RBMS3: variants seen among roughly 807,000 people sequenced by gnomAD.
RBMS3 encodes RNA-binding motif, single-stranded-interacting protein 3.
A neutral mutation model predicts 66.8 loss-of-function variants in RBMS3; 27 were observed. The observed-to-expected ratio is 0.40, with a 90% confidence interval of 0.30 to 0.56. The LOEUF (loss-of-function observed/expected upper bound fraction) is 0.56. RBMS3 is among the 20% of genes least tolerant of loss of function. RBMS3 has a pLI of 0.40. For missense variants in RBMS3, 513 were observed against 549.5 expected (o/e 0.93, Z 0.66); for synonymous variants, 188 against 183.0 (o/e 1.03, Z -0.22).
At chr3:29,882,622 G>T (rs571073917) in intron 7 of RBMS3, among the ~76,000 whole-genome samples, 1 of 150,706 alleles carries the variant, frequency 6.6e-6, no homozygotes, top group East Asian at 2.0e-4. Context: ...TTAAAATTTA[G>T]TATTTATGGA....
At chr3:29,725,869 A>G (rs1453576676) in intron 4 of RBMS3, among the ~76,000 whole-genome samples, 1 of 152,220 alleles carries the variant, frequency 6.6e-6, no homozygotes, top group East Asian at 1.9e-4. Context: ...TGAGGCCAGC[A>G]TCATCCTGAT....
intron 4 of RBMS3, among the ~76,000 whole-genome samples, chr3:29,693,886 T>G (rs186319932): frequency 2.0e-4 from 30 of 152,366 alleles, no homozygotes; most frequent in Middle Eastern, 3.4e-3. Flanking sequence ...TGTTTTGTTC[T>G]TTAAAGGCAA....
chr3:29,519,351 G>A (rs763615604), intron 3 of RBMS3, among the ~76,000 whole-genome samples: 13 of 152,190 alleles, frequency 8.5e-5, no homozygotes, highest in East Asian at 1.9e-4. Flanking sequence ...CATTGACTCC[G>A]TTGGGTGATG....
At chr3:29,990,098 C>T (rs1227472391) in intron 13 of RBMS3, among the ~76,000 whole-genome samples, 1 of 152,046 alleles carries the variant, frequency 6.6e-6, no homozygotes, top group East Asian at 1.9e-4. Context: ...AGCATTAATT[C>T]ATTCTCTATG....
At chr3:29,388,786 A>G (rs557917395) in intron 1 of RBMS3, among the ~76,000 whole-genome samples, 12 of 152,062 alleles carry the variant, frequency 7.9e-5, no homozygotes, top group South Asian at 2.1e-4. Context: ...GGATGGTCTC[A>G]ATCTCCTGAC....
chr3:29,413,887 C>A (rs2040374938), intron 1 of RBMS3, among the ~76,000 whole-genome samples: 1 of 151,990 alleles, frequency 6.6e-6, no homozygotes, highest in Admixed American at 6.6e-5. Context: ...GGGACATGGT[C>A]CTTATTCTCT....
intron 6 of RBMS3, among the ~76,000 whole-genome samples, chr3:29,803,083 C>T (rs1032356616): frequency 6.6e-6 from 1 of 152,066 alleles, no homozygotes; most frequent in Admixed American, 6.6e-5. Flanking sequence ...CCCGTTAAGG[C>T]AAAAGAGTAA....
At position 29,703,241 on chromosome 3, in the gene RBMS3, C is replaced by T. The variant is rs140812844; in HGVS notation, c.400-36479C>T. On this transcript the variant is annotated intron_variant, in intron 4 of 14. Coordinates refer to ENST00000383767, the MANE Select transcript of RBMS3 (RefSeq NM_001003793.3). ...TTTCGAGGGTCCACTCACTTCACTA[C>T]GGAGCTGTACTGTCTTCTCCATGGA... 6.1e-3 allele frequency among the ~76,000 whole-genome samples: 935 copies of T among 152,260 alleles called. 13 individuals are homozygous for T. The highest frequency in any genetic ancestry group is 0.038 in the South Asian group (185 of 4,822).
At chr3:29,669,339 A>G (rs2050897036) in intron 4 of RBMS3, among the ~76,000 whole-genome samples, 1 of 152,170 alleles carries the variant, frequency 6.6e-6, no homozygotes, top group Non-Finnish European at 1.5e-5. Flanking sequence ...CTAAGATGGT[A>G]TCCATACTGT....
chr3:29,707,141 CT>C (rs1204964071), intron 4 of RBMS3, among the ~76,000 whole-genome samples: 2 of 152,168 alleles, frequency 1.3e-5, no homozygotes, highest in Non-Finnish European at 2.9e-5. Flanking sequence ...TAAAAGATGA[CT>C]TTTTCACATC....
chr3:29,671,631 C>A (rs371798127), intron 4 of RBMS3, among the ~76,000 whole-genome samples: 28 of 152,276 alleles, frequency 1.8e-4, no homozygotes, highest in African/African-American at 6.5e-4. Flanking sequence ...AACTACGTGA[C>A]ACATGCACAA....
chr3:29,691,694 G>C (rs1333340478), intron 4 of RBMS3, among the ~76,000 whole-genome samples: 1 of 152,052 alleles, frequency 6.6e-6, no homozygotes, highest in Admixed American at 6.5e-5. Context: ...ACAAGCACCA[G>C]GTTCAATTTT....
At chr3:29,590,094 T>TA (rs531233257) in intron 4 of RBMS3, among the ~76,000 whole-genome samples, 15 of 151,828 alleles carry the variant, frequency 9.9e-5, no homozygotes, top group Non-Finnish European at 2.1e-4. Flanking sequence ...TTATTTATTT[T>TA]TTTTTGGTAT....
intron 4 of RBMS3, among the ~76,000 whole-genome samples, chr3:29,662,866 G>T (rs1362176069): frequency 2.0e-5 from 3 of 152,216 alleles, no homozygotes; most frequent in African/African-American, 7.2e-5. Context: ...GAAAATAAAT[G>T]ATATAAAACA....
rs538875483 is a variant in RBMS3 at position 29,320,088 on chromosome 3, T to C, written c.75+38332T>C. Among the ~76,000 whole-genome samples the C allele has an allele frequency of 5.4e-4, 82 of 152,150 alleles. No homozygotes were observed. In the South Asian group the frequency reaches 7.7e-3, roughly 14 times the overall value. ...GAGGCAACTGACTTACCTCATCAAG[T>C]CCTTTTCCTCTAAGTACCTAGATTT... is the stretch of plus-strand genomic sequence containing the variant. On this transcript the variant is annotated intron_variant, in intron 1 of 14. Coordinates refer to ENST00000383767, the MANE Select transcript of RBMS3 (RefSeq NM_001003793.3).
At chr3:29,806,788 C>T (rs902910960) in intron 6 of RBMS3, among the ~76,000 whole-genome samples, 7 of 151,904 alleles carry the variant, frequency 4.6e-5, no homozygotes, top group African/African-American at 1.7e-4. Context: ...CTATTTCTTA[C>T]AGCACCTACT....
intron 1 of RBMS3, among the ~76,000 whole-genome samples, chr3:29,316,379 A>T (rs2034677971): frequency 6.6e-6 from 1 of 151,786 alleles, no homozygotes; most frequent in Non-Finnish European, 1.5e-5. Context: ...TTGAAAGTTC[A>T]GCTTAAATGA....
intron 1 of RBMS3, among the ~76,000 whole-genome samples, chr3:29,404,057 A>C (rs1264101037): frequency 1.3e-5 from 2 of 152,150 alleles, no homozygotes; most frequent in South Asian, 2.1e-4. Flanking sequence ...AAAAGGGCTG[A>C]TGTCCAGCAG....
chr3:29,461,920 A>ATTTT (rs61115023), intron 2 of RBMS3, among the ~76,000 whole-genome samples: 13 of 93,302 alleles, frequency 1.4e-4, no homozygotes, highest in African/African-American at 3.3e-4. Flanking sequence ...TGCCCGGCTA[A>ATTTT]TTTTTTTTTT....
Sources: allele counts gnomAD v4.1 joint callset (sites outside exome capture counted in the v4.1 genomes callset), GRCh38; gene constraint gnomAD v4.1.1; transcripts MANE v1.5; gene names NCBI Gene and HGNC (gene_info 2026-07-23, HGNC 2026-07-21).